The following CELF4 variants were observed in gnomAD, a reference collection of about 807,000 sequenced individuals.
The protein encoded by CELF4 is CUGBP Elav-like family member 4.
A neutral mutation model predicts 59.9 loss-of-function variants in CELF4; 18 were observed. The ratio of observed to expected loss-of-function variants is 0.30; its 90% CI spans 0.21 to 0.45. The LOEUF is 0.45. Among genes scored for constraint, CELF4 ranks in the 20% least tolerant of loss-of-function variants. The pLI is 1.00. For synonymous variants in CELF4, 261 were observed against 267.1 expected (o/e 0.98, Z 0.22); for missense variants, 456 against 689.0 (o/e 0.66, Z 3.79).
chr18:37,508,261 T>C (rs1056778249), intron 1 of CELF4, among the ~76,000 whole-genome samples: 3 of 152,118 alleles, frequency 2.0e-5, no homozygotes, highest in Non-Finnish European at 2.9e-5. Flanking sequence ...TTGGGGTTGG[T>C]AAGTGCTAGC....
intron 7 of CELF4, 149 bp downstream of exon 7, chr18:37,272,867 G>C (rs2091956245): frequency 1.4e-6 from 1 of 734,716 alleles, no homozygotes; most frequent in Non-Finnish European, 2.2e-6. Flanking sequence ...ACATTTTTGA[G>C]ACAAACTGCC....
intron 2 of CELF4, among the ~76,000 whole-genome samples, chr18:37,371,487 T>C (rs2098877910): frequency 6.6e-6 from 1 of 152,214 alleles, no homozygotes; most frequent in African/African-American, 2.4e-5. Flanking sequence ...TCTGCAGGAA[T>C]GTAGCAGCTC....
At position 37,246,650 on chromosome 18, in the gene CELF4, C is replaced by T. The variant is rs1361250206; in HGVS notation, c.*45-1453G>A. ...ATAGCCTAACTGGAAAAAGACCAGA[C>T]CTAGGAAAGTGTCAATTGAAAAAGG... On this transcript the variant is annotated intron_variant, in intron 12 of 12. Transcript: ENST00000420428. The surrounding 1 kb of genome is among the most constrained non-coding windows in gnomAD (Gnocchi z 5.3). 4.0e-5 allele frequency among the ~76,000 whole-genome samples: 6 copies of T among 151,586 alleles called. No individual in the cohort carries two copies. Among genetic ancestry groups the T allele is most frequent in the Admixed American group, 3.9e-4 (6 of 15,220 alleles).
intron 10 of CELF4, among the ~76,000 whole-genome samples, chr18:37,260,012 G>C (rs747221218): frequency 6.6e-6 from 1 of 152,228 alleles, no homozygotes; most frequent in African/African-American, 2.4e-5. Context: ...GTGTCAGGCT[G>C]TTCTGAGCAC....
At chr18:37,274,732 G>C in intron 5 of CELF4, 73 bp downstream of exon 5, 1 of 1,504,666 alleles carries the variant, frequency 6.6e-7, no homozygotes, top group Non-Finnish European at 8.8e-7. Flanking sequence ...CTGGACAGCC[G>C]GCGGGGCGTG....
intron 1 of CELF4, among the ~76,000 whole-genome samples, chr18:37,517,208 C>G (rs1235121040): frequency 6.6e-6 from 1 of 152,200 alleles, no homozygotes; most frequent in Non-Finnish European, 1.5e-5. Context: ...CCTCTCCCCA[C>G]TCAGAGAATG....
At chr18:37,549,950 C>T (rs886384492) in intron 1 of CELF4, among the ~76,000 whole-genome samples, 9 of 152,104 alleles carry the variant, frequency 5.9e-5, no homozygotes, top group Non-Finnish European at 1.2e-4. Flanking sequence ...CAAAATCAGT[C>T]GACATTAGGC....
At chr18:37,430,302 T>A (rs1433405171) in intron 2 of CELF4, among the ~76,000 whole-genome samples, 2 of 152,162 alleles carry the variant, frequency 1.3e-5, no homozygotes, top group Non-Finnish European at 2.9e-5. Flanking sequence ...CCTTGGAAAC[T>A]TTTCATCTCA....
chr18:37,306,896 C>T (rs1369288752), intron 3 of CELF4, among the ~76,000 whole-genome samples: 2 of 152,164 alleles, frequency 1.3e-5, no homozygotes, highest in Non-Finnish European at 2.9e-5. Context: ...GCGAGATTGC[C>T]GAAGCAAATT....
intron 2 of CELF4, among the ~76,000 whole-genome samples, chr18:37,463,566 C>A (rs764779750): frequency 2.9e-4 from 44 of 152,226 alleles, no homozygotes; most frequent in Admixed American, 2.5e-3. Flanking sequence ...AAACAGAAGT[C>A]TTTGGACCTG....
chr18:37,273,301 T>C, intron 6 of CELF4, 138 bp from the exon 7 acceptor site: 8 of 1,440,314 alleles, frequency 5.6e-6, no homozygotes, highest in Non-Finnish European at 7.3e-6. Flanking sequence ...AAAGCCCTGA[T>C]GCCTCTCCCA....
intron 2 of CELF4, among the ~76,000 whole-genome samples, chr18:37,333,808 C>A (rs200315613): frequency 7.0e-6 from 1 of 143,196 alleles, no homozygotes; most frequent in Non-Finnish European, 1.5e-5. Flanking sequence ...ATCCATCCAT[C>A]CATGCATCCA....
At chr18:37,544,189 A>G (rs545535712) in intron 1 of CELF4, among the ~76,000 whole-genome samples, 3 of 146,212 alleles carry the variant, frequency 2.1e-5, no homozygotes, top group East Asian at 2.0e-4. Context: ...AACAGCTACA[A>G]TTATCTCAGG....
chr18:37,386,080 A>G (rs1234530950), intron 2 of CELF4, among the ~76,000 whole-genome samples: 1 of 152,218 alleles, frequency 6.6e-6, no homozygotes, highest in East Asian at 1.9e-4. Flanking sequence ...TGGGCATATT[A>G]CCTGGAGATG....
chr18:37,361,355 G>A (rs1013593148), intron 2 of CELF4, among the ~76,000 whole-genome samples: 1 of 152,196 alleles, frequency 6.6e-6, no homozygotes, highest in South Asian at 2.1e-4. Context: ...CGTAGCTCTC[G>A]TCCAATGCAT....
intron 2 of CELF4, among the ~76,000 whole-genome samples, chr18:37,425,138 A>G (rs1257447607): frequency 6.6e-6 from 1 of 152,186 alleles, no homozygotes; most frequent in South Asian, 2.1e-4. Flanking sequence ...GAAAAAATCT[A>G]TTACAACTCT....
At chr18:37,402,007 C>T (rs932015894) in intron 2 of CELF4, among the ~76,000 whole-genome samples, 4 of 152,218 alleles carry the variant, frequency 2.6e-5, no homozygotes, top group Non-Finnish European at 4.4e-5. Context: ...TAAAACCTAA[C>T]GTTGAGTATG....
At chr18:37,511,463 T>G (rs547384792) in intron 1 of CELF4, among the ~76,000 whole-genome samples, 1 of 152,012 alleles carries the variant, frequency 6.6e-6, no homozygotes, top group Admixed American at 6.6e-5. Context: ...TGGGCCTCCC[T>G]CAGGACTTGA....
chr18:37,259,349 G>A (rs866049653), intron 10 of CELF4, 85 bp from the exon 11 acceptor site: 30 of 323,978 alleles, frequency 9.3e-5, no homozygotes, highest in African/African-American at 4.2e-4. Context: ...AGCGAGTTAG[G>A]CAGCGCAGCA....
Sources: allele counts gnomAD v4.1 joint callset (sites outside exome capture counted in the v4.1 genomes callset), GRCh38; gene constraint gnomAD v4.1.1; non-coding constraint Gnocchi (gnomAD v3.1); transcripts MANE v1.5; gene names NCBI Gene and HGNC (gene_info 2026-07-23, HGNC 2026-07-21).